GMPR2: variants seen among roughly 807,000 people sequenced by gnomAD.
GMPR2 encodes the protein guanosine monophosphate reductase 2, also known as GMP reductase 2.
GMPR2 carries 32 observed loss-of-function variants against 38.5 expected under a neutral mutation model. The observed-to-expected ratio is 0.83, with a 90% CI of 0.63 to 1.12. The LOEUF (loss-of-function observed/expected upper bound fraction) is 1.12, where lower values mean the gene tolerates loss of function less well. Among genes scored for constraint, GMPR2 ranks in the 50% most tolerant of loss-of-function variants. The pLI is 0.00. For missense variants in GMPR2, 396 were observed against 432.1 expected (o/e 0.92, Z 0.74); for synonymous variants, 154 against 151.0 (o/e 1.02, Z -0.15).
At chr14:24,234,301 C>G in intron 3 of GMPR2, 1 of 1,145,164 alleles carries the variant, frequency 8.7e-7, no homozygotes, top group African/African-American at 1.6e-5. Context: ...TCCATGTAGC[C>G]CTGGTTGATG....
chr14:24,237,468 G>A (rs1258002441), intron 7 of GMPR2, 52 bp from the exon 8 acceptor site: 24 of 1,590,942 alleles, frequency 1.5e-5, no homozygotes, highest in Admixed American at 3.3e-5. Context: ...TTGGGACATC[G>A]CTGAGGGCTT....
Position 24,238,959 on chromosome 14 carries a change from C to T in GMPR2, c.*181C>T, listed in dbSNP as rs911883513. 2 of 685,698 alleles carry T rather than the reference C, an allele frequency of 2.9e-6. No individual in the cohort carries two copies. Among genetic ancestry groups the T allele is most frequent in the Admixed American group, 4.1e-5 (2 of 49,164 alleles). The allele number at this position is 685,698 out of a possible 1,614,324, so 42.5% of individuals were successfully genotyped here. A position where few individuals can be genotyped will look rare whatever the true frequency, so the allele number is the denominator to read the frequency against. The stretch of plus-strand genomic sequence containing the variant: ...ATCTGCACACACAAAATGCCCAAGG[C>T]ACTCACTGGGGAGGAAGCAAGGAAG... On this transcript the variant is annotated 3_prime_UTR_variant, in exon 10 of 10. Transcript: ENST00000399440.
chr14:24,234,629 G>A (rs1011460453), intron 3 of GMPR2, among the ~76,000 whole-genome samples: 1 of 152,154 alleles, frequency 6.6e-6, no homozygotes, highest in African/African-American at 2.4e-5. Context: ...TATTGCTGAC[G>A]AGAGGTAAAG....
At chr14:24,237,042 G>A (rs549018046) in intron 5 of GMPR2, 29 bp from the exon 6 acceptor site, 1 of 1,556,072 alleles carries the variant, frequency 6.4e-7, no homozygotes, top group East Asian at 2.2e-5. Flanking sequence ...TGGCCCTAAG[G>A]ATGCTGTATT....
At chr14:24,235,869 A>G in intron 4 of GMPR2, 49 bp downstream of exon 4, 2 of 1,590,514 alleles carry the variant, frequency 1.3e-6, no homozygotes, top group Non-Finnish European at 1.7e-6. Flanking sequence ...TTTTCCAGCA[A>G]TTATATTTTG....
chr14:24,234,063 A>C (rs759690527), intron 3 of GMPR2: 1 of 1,268,630 alleles, frequency 7.9e-7, no homozygotes, highest in South Asian at 1.2e-5. Flanking sequence ...CATTAATAAA[A>C]GAATACTTCT....
At chr14:24,236,251 T>G in intron 5 of GMPR2, 111 bp downstream of exon 5, 1 of 788,224 alleles carries the variant, frequency 1.3e-6, no homozygotes, top group Non-Finnish European at 2.1e-6. Context: ...CTAGTTCATT[T>G]AATCATGATA....
Position 24,238,653 on chromosome 14 carries a change from A to G in GMPR2, c.922A>G (p.Ile308Val), listed in dbSNP as rs2040469227. ...KGDVEHTIRD[I>V]LGGIRSTCTY... ...AGATGTGGAACATACCATCCGAGACATCCTAGGAGGGATCCGCTCTACGTG... is the reference window on the plus strand; with the variant it reads ...AGATGTGGAACATACCATCCGAGACGTCCTAGGAGGGATCCGCTCTACGTG... The change falls in exon 10 of 10, where the codon ATC becomes GTC. Residue 308 changes from isoleucine to valine, a missense_variant. By Grantham distance (29) the Ile-to-Val change is conservative. Transcript: ENST00000399440. 6.2e-7 allele frequency: 1 copy of G among 1,613,794 alleles called. No individual in the cohort carries two copies. Among genetic ancestry groups the G allele is most frequent in the African/African-American group, 1.3e-5 (1 of 74,884 alleles).
At position 24,238,846 on chromosome 14, in the gene GMPR2, C is replaced by A. The variant is rs2040481162; in HGVS notation, c.*68C>A. On this transcript the variant is annotated 3_prime_UTR_variant, in exon 10 of 10. Coordinates refer to ENST00000399440, the MANE Select transcript of GMPR2 (RefSeq NM_001002002.3). Reference sequence around the variant, plus strand: ...TGGGGCATCCCAAGTGGGGTCCTCACCCATCCCAGCTACTGCAGCTCTGTA... The same window carrying A: ...TGGGGCATCCCAAGTGGGGTCCTCAACCATCCCAGCTACTGCAGCTCTGTA... The A allele has an allele frequency of 2.4e-5, 31 of 1,297,574 alleles. No individual in the cohort carries two copies. Among genetic ancestry groups the A allele is most frequent in the Non-Finnish European group, 3.3e-5 (30 of 905,790 alleles). 80.4% of individuals were successfully genotyped at this position (1,297,574 alleles called of 1,614,324 possible).
At chr14:24,232,666 C>T (rs146484472), upstream of GMPR2, 912 of 257,904 alleles carry the variant, frequency 3.5e-3, 5 homozygotes, top group African/African-American at 0.019. Flanking sequence ...AGTGCGTGAA[C>T]TCTGTTATCC....
At position 24,237,552 on chromosome 14, in the gene GMPR2, C is replaced by T; in HGVS notation, c.687C>T (p.Ala229=). ...GTTGCAGCTGTCCTGGGGATGTGGC[C>T]AAGGCTTTTGGTAAGGAGCTTGAGG... ...DGGCSCPGDV[A]KAFGAGADFV... is the part of the protein sequence containing the mutation. Residue 229 remains alanine, a synonymous_variant, in exon 8 of 10, where the codon GCC becomes GCT. Coordinates refer to ENST00000399440, the MANE Select transcript of GMPR2 (RefSeq NM_001002002.3). 1.2e-6 allele frequency: 2 copies of T among 1,613,822 alleles called. No individual in the cohort carries two copies. The highest frequency in any genetic ancestry group is 4.5e-5 in the East Asian group (2 of 44,888).
At chr14:24,232,922 A>G, upstream of GMPR2, 1 of 446,854 alleles carries the variant, frequency 2.2e-6, no homozygotes, top group Non-Finnish European at 4.1e-6. Flanking sequence ...CGTTCCCCTA[A>G]ATCAGCCTCT....
chr14:24,235,680 G>C (rs2040303498), intron 3 of GMPR2, 57 bp from the exon 4 acceptor site: 1 of 1,164,732 alleles, frequency 8.6e-7, no homozygotes, highest in South Asian at 1.2e-5. Context: ...TCTGTTTCTA[G>C]AAAAGAGACC....
chr14:24,237,970 AGACG>A, intron 8 of GMPR2: 1 of 477,660 alleles, frequency 2.1e-6, no homozygotes, highest in Non-Finnish European at 3.7e-6. Context: ...TCAAATGACC[AGACG>A]ATGATGGTAA....
intron 5 of GMPR2, 79 bp from the exon 6 acceptor site, chr14:24,236,992 T>C: frequency 9.6e-7 from 1 of 1,044,468 alleles, no homozygotes; most frequent in South Asian, 1.4e-5. Context: ...TGGAAAGTCA[T>C]GGTCCATGCA....
chr14:24,238,689 G>C lies in GMPR2; in HGVS notation c.958G>C (p.Gly320Arg). The C allele has an allele frequency of 6.2e-7, 1 of 1,613,876 alleles. No homozygotes were observed. The highest frequency in any genetic ancestry group is 1.1e-5 in the South Asian group (1 of 91,076). Residue 320 changes from glycine (G) to arginine (R), a missense_variant, in exon 10 of 10, where the codon GGA (glycine) becomes CGA (arginine). Coordinates refer to ENST00000399440, the MANE Select transcript of GMPR2 (RefSeq NM_001002002.3). ...GATCCGCTCTACGTGTACCTATGTG[G>C]GAGCAGCTAAGCTCAAAGAGTTGAG... ...GGIRSTCTYV[G>R]AAKLKELSRR...
At chr14:24,232,844 G>A (rs2040108153), upstream of GMPR2, 1 of 275,866 alleles carries the variant, frequency 3.6e-6, no homozygotes, top group Non-Finnish European at 7.0e-6. Context: ...CAAGGCAACA[G>A]GAAGTGAGTA....
chr14:24,237,253 T>G lies in GMPR2; in HGVS notation c.556T>G (p.Cys186Gly), dbSNP rs375189817. 2.5e-6 allele frequency: 4 copies of G among 1,604,426 alleles called. No individual in the cohort carries two copies. Among genetic ancestry groups the G allele is most frequent in the Non-Finnish European group, 3.4e-6 (4 of 1,171,264 alleles). Reference protein sequence around the residue: ...IKVGIGPGSVCTTRKKTGVGY... With the variant: ...IKVGIGPGSVGTTRKKTGVGY... ...TATCATGTTCTTCCTAGGCTCTGTGTGTACTACTCGGAAGAAAACTGGAGT... is the reference window on the plus strand; with the variant it reads ...TATCATGTTCTTCCTAGGCTCTGTGGGTACTACTCGGAAGAAAACTGGAGT... The change falls in exon 7 of 10, where the codon TGT (cysteine) becomes GGT (glycine). Residue 186 changes from cysteine (C) to glycine (G), a missense_variant. Physicochemically the swap from Cys to Gly is radical, Grantham distance 159. Transcript: ENST00000399440.
upstream of GMPR2, chr14:24,232,893 C>G (rs1221794951): frequency 1.5e-5 from 6 of 397,634 alleles, no homozygotes; most frequent in East Asian, 2.8e-4. Context: ...CTCCCCGCCC[C>G]CCGTCGCCAA....
Sources: allele counts gnomAD v4.1 joint callset (sites outside exome capture counted in the v4.1 genomes callset), GRCh38; gene constraint gnomAD v4.1.1; transcripts MANE v1.5; gene names NCBI Gene and HGNC (gene_info 2026-07-23, HGNC 2026-07-21).